Variants in LRIG1 observed in about 807,000 individuals in gnomAD.
LRIG1 encodes the protein leucine-rich repeats and immunoglobulin-like domains protein 1.
In LRIG1, 48 loss-of-function variants were observed where a neutral mutation model predicts 99.2. The ratio of observed to expected loss-of-function variants is 0.48; its 90% CI spans 0.38 to 0.62. LRIG1 has a LOEUF of 0.62. Among genes scored for constraint, LRIG1 ranks in the 20% least tolerant of loss-of-function variants. LRIG1 has a pLI of 0.00. For synonymous variants in LRIG1, 772 were observed against 596.1 expected (o/e 1.29, Z -4.30); for missense variants, 1,646 against 1,434.4 (o/e 1.15, Z -2.38).
chr3:66,456,706 T>G (rs1700229393), intron 2 of LRIG1, among the ~76,000 whole-genome samples: 1 of 151,768 alleles, frequency 6.6e-6, no homozygotes, highest in Non-Finnish European at 1.5e-5. Context: ...ACACCCACTG[T>G]GGGGAGCAGC....
At chr3:66,492,411 A>C (rs1389174850) in intron 1 of LRIG1, among the ~76,000 whole-genome samples, 3 of 152,156 alleles carry the variant, frequency 2.0e-5, no homozygotes, top group Non-Finnish European at 4.4e-5. Context: ...TAAAGTTGTG[A>C]GTTGTTTTTT....
chr3:66,444,911 CTATATACATA>C (rs1287708672), intron 3 of LRIG1, among the ~76,000 whole-genome samples: 31 of 151,208 alleles, frequency 2.1e-4, no homozygotes, highest in African/African-American at 5.1e-4. Flanking sequence ...CTGTATCTAT[CTATATACATA>C]TATATACATA....
chr3:66,498,272 G>A (rs1701273346), intron 1 of LRIG1: 1 of 152,104 alleles, frequency 6.6e-6, no homozygotes, highest in Non-Finnish European at 1.5e-5. Context: ...GAGTAAAAGA[G>A]AAGGACTTCA....
intron 3 of LRIG1, among the ~76,000 whole-genome samples, chr3:66,435,918 C>T (rs565053989): frequency 1.3e-5 from 2 of 152,304 alleles, no homozygotes; most frequent in East Asian, 3.9e-4. Flanking sequence ...ATCAGCCTTC[C>T]TGCTACTTTA....
At chr3:66,462,326 CCTACAAGTTTACA>C in intron 2 of LRIG1, 99 bp downstream of exon 2, 1 of 756,600 alleles carries the variant, frequency 1.3e-6, no homozygotes, top group Non-Finnish European at 2.3e-6. Flanking sequence ...AATGTTCCTT[CCTACAAGTTTACA>C]CTGCGGATCT....
chr3:66,393,356 T>A (rs1311935065), intron 12 of LRIG1, among the ~76,000 whole-genome samples: 1 of 152,178 alleles, frequency 6.6e-6, no homozygotes, highest in East Asian at 1.9e-4. Flanking sequence ...AACTCAAAAT[T>A]CATCTCATTT....
At chr3:66,494,429 C>G (rs983250379) in intron 1 of LRIG1, among the ~76,000 whole-genome samples, 1 of 152,128 alleles carries the variant, frequency 6.6e-6, no homozygotes, top group Admixed American at 6.5e-5. Context: ...CCCATTCTCT[C>G]CCCCAGTCAA....
At position 66,410,040 on chromosome 3, in the gene LRIG1, A is replaced by G. The variant is rs924789386; in HGVS notation, c.935+89T>C. Reference sequence around the variant, plus strand: ...CTGTCTCTGAGCCCTCCCCGAGGCCACTGTGTGGTGGAACGAACCAGGCCT... The same window carrying G: ...CTGTCTCTGAGCCCTCCCCGAGGCCGCTGTGTGGTGGAACGAACCAGGCCT... On this transcript the variant is annotated intron_variant, in intron 7 of 18. Transcript: ENST00000273261. The G allele has an allele frequency of 3.8e-5, 53 of 1,394,854 alleles. No individual in the cohort carries two copies. The African/African-American group carries it at 7.6e-4, about 20-fold the overall frequency. The allele number at this position is 1,394,854 out of a possible 1,614,324, so 86.4% of individuals were successfully genotyped here. A position where few individuals can be genotyped will look rare whatever the true frequency, so the allele number is the denominator to read the frequency against.
intron 1 of LRIG1, among the ~76,000 whole-genome samples, chr3:66,497,558 A>G (rs1575738814): frequency 6.6e-6 from 1 of 152,118 alleles, no homozygotes. Context: ...TTGTGCTGAA[A>G]AGTTATCCTC....
intron 3 of LRIG1, among the ~76,000 whole-genome samples, chr3:66,440,543 C>T (rs1200776038): frequency 6.6e-6 from 1 of 152,116 alleles, no homozygotes; most frequent in Non-Finnish European, 1.5e-5. Context: ...AAGTAAGATC[C>T]ATTTTTATGG....
intron 2 of LRIG1, among the ~76,000 whole-genome samples, chr3:66,452,880 G>C (rs780104466): frequency 5.9e-5 from 9 of 152,218 alleles, no homozygotes; most frequent in Non-Finnish European, 1.3e-4. Context: ...CATGGCTGAA[G>C]CATCTGGCAG....
rs186277138 is a variant in LRIG1, at chr3:66,484,694, T to C, written c.218+15496A>G. On this transcript the variant is annotated intron_variant, in intron 1 of 18. Transcript: ENST00000273261. The stretch of plus-strand genomic sequence containing the variant: ...AGCGCGATGAGGGGCAGGTGGACAG[T>C]AACAGCTTTAAACAATGGGATTCAT... Among the ~76,000 whole-genome samples, 20 of 152,212 alleles carry C rather than the reference T, an allele frequency of 1.3e-4. No homozygotes were observed. The East Asian group carries it at 1.7e-3, about 13-fold the overall frequency.
intron 3 of LRIG1, among the ~76,000 whole-genome samples, chr3:66,419,777 G>C (rs1043460240): frequency 6.6e-6 from 1 of 151,600 alleles, no homozygotes; most frequent in African/African-American, 2.4e-5. Flanking sequence ...AAAGCTGCTG[G>C]CCTCTCCCCA....
chr3:66,382,648 C>T (rs765472740), intron 15 of LRIG1, among the ~76,000 whole-genome samples: 16 of 152,178 alleles, frequency 1.1e-4, no homozygotes, highest in Admixed American at 3.9e-4. Flanking sequence ...GATGGAAAGC[C>T]GGGGCTCACA....
Position 66,500,275 on chromosome 3 carries a change from A to G in LRIG1, c.133T>C (p.Cys45Arg). The change falls in exon 1 of 19, where the codon TGC (cysteine) becomes CGC (arginine). Residue 45 changes from cysteine (C) to arginine (R), a missense_variant. Physicochemically the swap from Cys to Arg is radical, Grantham distance 180. Transcript: ENST00000273261. ...TCCAGCGAGTCCCCAGCGCAAGTGC[A>G]GGCGGCCGCGCAGGGCGCCCGCGGG... ...AGPRAPCAAA[C>R]TCAGDSLDCG... 6.7e-7 allele frequency: 1 copy of G among 1,490,952 alleles called. No individual in the cohort carries two copies. Among genetic ancestry groups the G allele is most frequent in the Non-Finnish European group, 8.9e-7 (1 of 1,126,746 alleles). The allele number at this position is 1,490,952 out of a possible 1,614,324, so 92.4% of individuals were successfully genotyped here. A position where few individuals can be genotyped will look rare whatever the true frequency, so the allele number is the denominator to read the frequency against.
intron 1 of LRIG1, among the ~76,000 whole-genome samples, chr3:66,487,571 T>C (rs957285459): frequency 6.6e-6 from 1 of 152,084 alleles, no homozygotes; most frequent in Non-Finnish European, 1.5e-5. Context: ...TGCTTTCAAG[T>C]CTAAGTGGAG....
intron 3 of LRIG1, among the ~76,000 whole-genome samples, chr3:66,432,887 G>A (rs1703219739): frequency 6.6e-6 from 1 of 152,186 alleles, no homozygotes; most frequent in Non-Finnish European, 1.5e-5. Flanking sequence ...GAGGGAACAA[G>A]AAGGGGAATG....
At chr3:66,406,177 G>A (rs1022628513) in intron 8 of LRIG1, 11 of 985,420 alleles carry the variant, frequency 1.1e-5, no homozygotes, top group East Asian at 1.1e-4. Context: ...AAATGCTGGC[G>A]GTGACCTTTC....
Position 66,386,036 on chromosome 3 carries a change from G to C in LRIG1, c.1734C>G (p.Val578=). 6.2e-7 allele frequency: 1 copy of C among 1,614,202 alleles called. No individual in the cohort carries two copies. Among genetic ancestry groups the C allele is most frequent in the Non-Finnish European group, 8.5e-7 (1 of 1,180,032 alleles). Residue 578 remains valine, a synonymous_variant, in exon 13 of 19, where the codon GTC becomes GTG. Transcript: ENST00000273261. The part of the protein sequence containing the change: ...TFGHEGRYQC[V]ITNHFGSTYS... The stretch of plus-strand genomic sequence containing the variant: ...AGGTGGAGCCAAAGTGGTTGGTGAT[G>C]ACACATTGGTAGCGGCCCTCGTGCC...
Sources: gnomAD v4.1 joint callset for allele counts (sites outside exome capture counted in the v4.1 genomes callset) on GRCh38, gnomAD v4.1.1 for gene constraint, MANE v1.5 for transcripts, NCBI Gene and HGNC (gene_info 2026-07-23, HGNC 2026-07-21) for gene names.